Variants in CUX1 observed in about 807,000 individuals in gnomAD.
The protein encoded by CUX1 is cut like homeobox 1.
A neutral mutation model predicts 158.8 loss-of-function variants in CUX1; 31 were observed. The observed-to-expected ratio is 0.20, with a 90% CI of 0.15 to 0.26. The LOEUF (loss-of-function observed/expected upper bound fraction) is 0.26. CUX1 is among the 10% of genes least tolerant of loss of function. CUX1 has a pLI of 1.00. For synonymous variants in CUX1, 879 were observed against 862.1 expected (o/e 1.02, Z -0.34); for missense variants, 1,589 against 2,014.6 (o/e 0.79, Z 4.04).
At chr7:102,110,933 C>G (rs1554489875) in intron 6 of CUX1, among the ~76,000 whole-genome samples, 5 of 152,080 alleles carry the variant, frequency 3.3e-5, no homozygotes, top group Non-Finnish European at 7.4e-5. Flanking sequence ...CCCTGAGTGT[C>G]CATAATTGAA....
intron 14 of CUX1, among the ~76,000 whole-genome samples, chr7:102,267,269 C>T (rs1037595893): frequency 7.9e-5 from 12 of 152,118 alleles, no homozygotes; most frequent in Non-Finnish European, 1.5e-4. Context: ...GCATGTGGCT[C>T]ATGCCTGTAA....
intron 8 of CUX1, among the ~76,000 whole-genome samples, chr7:102,148,702 T>A (rs1231429678): frequency 6.7e-6 from 1 of 148,186 alleles, no homozygotes; most frequent in African/African-American, 2.5e-5. Flanking sequence ...TATATATATA[T>A]AATATATTAA....
At chr7:102,222,397 C>T (rs1456336289) in intron 20 of CUX1, among the ~76,000 whole-genome samples, 1 of 152,148 alleles carries the variant, frequency 6.6e-6, no homozygotes, top group Non-Finnish European at 1.5e-5. Flanking sequence ...CCTCCTGATC[C>T]TTGCACCATC....
intron 1 of CUX1, among the ~76,000 whole-genome samples, chr7:101,870,061 A>G (rs1484941503): frequency 6.9e-6 from 1 of 144,472 alleles, no homozygotes; most frequent in African/African-American, 2.6e-5. Flanking sequence ...GTAGCTTTCC[A>G]TCCGGTGTCT....
chr7:102,084,397 T>C (rs1827749088), intron 4 of CUX1, among the ~76,000 whole-genome samples: 1 of 149,954 alleles, frequency 6.7e-6, no homozygotes, highest in Non-Finnish European at 1.5e-5. Flanking sequence ...GAATTGTCCA[T>C]ATGCCCTTGA....
intron 3 of CUX1, among the ~76,000 whole-genome samples, chr7:102,054,967 T>C (rs1173932116): frequency 6.6e-6 from 1 of 150,460 alleles, no homozygotes; most frequent in Admixed American, 6.6e-5. Context: ...TGAGACCCTG[T>C]CTCCAAAAAA....
chr7:102,110,267 C>T (rs781960240), intron 6 of CUX1, among the ~76,000 whole-genome samples: 40 of 152,086 alleles, frequency 2.6e-4, no homozygotes, highest in Non-Finnish European at 4.9e-4. Flanking sequence ...TTTTGCTATA[C>T]TATGTGACAT....
In CUX1 at chr7:102,123,604, G is replaced by A. The variant is rs11979530; in HGVS notation, c.674+8331G>A. On this transcript the variant is annotated intron_variant, in intron 8 of 23. Coordinates refer to ENST00000292535, the MANE Select transcript of CUX1 (RefSeq NM_181552.4). ...AGCCTGGGTGGCAGAGTGAGACTCCGTCTCAAAAAAAAAAAAAAAAAAATT... is the reference window on the plus strand; with the variant it reads ...AGCCTGGGTGGCAGAGTGAGACTCCATCTCAAAAAAAAAAAAAAAAAAATT... Among the ~76,000 whole-genome samples the A allele has an allele frequency of 3.2e-3, 375 of 117,442 alleles. 1 individual carries two copies. Among genetic ancestry groups the A allele is most frequent in the Non-Finnish European group, 5.0e-3 (300 of 59,564 alleles). 77.0% of individuals were successfully genotyped at this position (117,442 alleles called of 152,430 possible). A position where few individuals can be genotyped will look rare whatever the true frequency, so the allele number is the denominator to read the frequency against.
chr7:101,997,763 A>G (rs1436617398), intron 2 of CUX1, among the ~76,000 whole-genome samples: 1 of 152,132 alleles, frequency 6.6e-6, no homozygotes. Context: ...TGCAGTGCGG[A>G]TTGCAGGACT....
Position 101,817,785 on chromosome 7 carries a change from GA to G in CUX1, c.30+117del. The G allele has an allele frequency of 8.3e-7, 1 of 1,207,066 alleles. No individual in the cohort carries two copies. Among genetic ancestry groups the G allele is most frequent in the Non-Finnish European group, 1.1e-6 (1 of 882,134 alleles). 74.8% of individuals were successfully genotyped at this position (1,207,066 alleles called of 1,614,324 possible). ...GCTCTAGGGCGGCCTGGTGCTCTGG[GA>G]GGGGATAGGAGGGTTCCTCAGGGCC... On this transcript the variant is annotated intron_variant, in intron 1 of 23. Coordinates refer to ENST00000292535, the MANE Select transcript of CUX1 (RefSeq NM_181552.4). This position sits in a 1 kb window ranked among gnomAD's most constrained non-coding sequence, Gnocchi z 4.1.
chr7:102,024,523 C>T (rs1405603669), intron 2 of CUX1, among the ~76,000 whole-genome samples: 2 of 152,130 alleles, frequency 1.3e-5, no homozygotes, highest in Admixed American at 6.5e-5. Context: ...GATGGGGTTT[C>T]GTCATGCTGG....
rs782284754 is a variant in CUX1, at chr7:102,250,223, ATCTG to A, written c.*1187_*1190del. 4.5e-5 allele frequency: 44 copies of A among 985,322 alleles called. No individual in the cohort carries two copies. The highest frequency in any genetic ancestry group is 5.2e-5 in the Non-Finnish European group (43 of 829,950). The allele number at this position is 985,322 out of a possible 1,614,324, so 61.0% of individuals were successfully genotyped here. On this transcript the variant is annotated 3_prime_UTR_variant, in exon 24 of 24. Coordinates refer to ENST00000292535, the MANE Select transcript of CUX1 (RefSeq NM_181552.4). ...ATTTTGTTTAATTTATGGTGTCTCA[ATCTG>A]TCTGTGCGTCTGCACGTGTGCAAGC... is the stretch of plus-strand genomic sequence containing the variant.
chr7:102,239,297 G>T (rs781861634), intron 22 of CUX1, 23 bp from the exon 23 acceptor site: 11 of 1,588,728 alleles, frequency 6.9e-6, no homozygotes, highest in Non-Finnish European at 9.5e-6. Context: ...CCTGACCTTA[G>T]TCTGCCATCT....
intron 21 of CUX1, among the ~76,000 whole-genome samples, chr7:102,229,721 G>A (rs927457066): frequency 6.7e-6 from 1 of 149,874 alleles, no homozygotes; most frequent in African/African-American, 2.5e-5. Flanking sequence ...GGGTTCAGGC[G>A]ATTCTCCTGC....
chr7:102,248,844 G>T lies in CUX1; in HGVS notation c.4320G>T (p.Pro1440=), dbSNP rs1481271524. The change falls in exon 24 of 24, where the codon CCG becomes CCT. Residue 1440 remains proline, a synonymous_variant. Coordinates refer to ENST00000292535, the MANE Select transcript of CUX1 (RefSeq NM_181552.4). This position sits in a 1 kb window ranked among gnomAD's most constrained non-coding sequence, Gnocchi z 5.8. ...CCGCGGCCCCGAGCTCCGCGCCGCC[G>T]CCCAGCAACAGCAGCAGCAGCAGCG... ...EGPAAPSSAP[P]PSNSSSSSAP... 14 of 1,248,410 alleles carry T rather than the reference G, an allele frequency of 1.1e-5. No individual in the cohort carries two copies. The African/African-American group carries it at 1.8e-4, about 16-fold the overall frequency. 77.3% of individuals were successfully genotyped at this position (1,248,410 alleles called of 1,614,324 possible).
chr7:102,227,251 T>C (rs1485282937), intron 20 of CUX1, 116 bp from the exon 21 acceptor site: 10 of 887,868 alleles, frequency 1.1e-5, no homozygotes, highest in Non-Finnish European at 1.6e-5. Flanking sequence ...CAGAAAACCC[T>C]ACCGTCTGCT....
intron 9 of CUX1, among the ~76,000 whole-genome samples, chr7:102,169,181 C>A (rs1309460118): frequency 6.6e-6 from 1 of 152,060 alleles, no homozygotes; most frequent in African/African-American, 2.4e-5. Context: ...GATCTGCCCA[C>A]TTCAGTCTCC....
At chr7:101,977,779 T>C (rs1328755404) in intron 2 of CUX1, among the ~76,000 whole-genome samples, 5 of 151,988 alleles carry the variant, frequency 3.3e-5, no homozygotes, top group African/African-American at 1.2e-4. Context: ...CAAAAAATAA[T>C]AATAATAAAT....
chr7:101,823,936 C>T (rs562047822), intron 1 of CUX1, among the ~76,000 whole-genome samples: 21 of 152,210 alleles, frequency 1.4e-4, no homozygotes, highest in Non-Finnish European at 1.3e-4. Flanking sequence ...CAAACCAAAC[C>T]GAAAAACAAA....
Sources: gnomAD v4.1 joint callset for allele counts (sites outside exome capture counted in the v4.1 genomes callset) on GRCh38, gnomAD v4.1.1 for gene constraint, Gnocchi (gnomAD v3.1) non-coding constraint, MANE v1.5 for transcripts, NCBI Gene and HGNC (gene_info 2026-07-23, HGNC 2026-07-21) for gene names.